Variants in PPP2R2B observed in about 807,000 individuals in gnomAD.
The protein encoded by PPP2R2B is serine/threonine-protein phosphatase 2A 55 kDa regulatory subunit B beta isoform.
Under a neutral mutation model 46.0 loss-of-function variants are expected in PPP2R2B, and 5 were observed. That is an observed-to-expected ratio of 0.11 (90% confidence interval 0.06 to 0.23). The LOEUF (loss-of-function observed/expected upper bound fraction) is 0.23. Among genes scored for constraint, PPP2R2B ranks in the 10% least tolerant of loss-of-function variants. PPP2R2B has a pLI of 1.00. For synonymous variants in PPP2R2B, 215 were observed against 206.7 expected, an observed-to-expected ratio of 1.04 and a Z score of -0.34; for missense variants, 367 against 575.0, an observed-to-expected ratio of 0.64 and a Z score of 3.70.
At chr5:147,041,257 G>T (rs999475561) in intron 1 of PPP2R2B, among the ~76,000 whole-genome samples, 3 of 152,162 alleles carry the variant, frequency 2.0e-5, no homozygotes, top group African/African-American at 7.2e-5. Context: ...ACTGCCAAGG[G>T]CCAGTGGGTG....
At chr5:146,708,465 G>A (rs1363477811) in intron 2 of PPP2R2B, among the ~76,000 whole-genome samples, 1 of 150,860 alleles carries the variant, frequency 6.6e-6, no homozygotes, top group Non-Finnish European at 1.5e-5. Context: ...GTGGCATCCA[G>A]TTCTAAAGGT....
chr5:146,717,459 C>T (rs964130370), intron 2 of PPP2R2B, among the ~76,000 whole-genome samples: 1 of 152,214 alleles, frequency 6.6e-6, no homozygotes, highest in Non-Finnish European at 1.5e-5. Flanking sequence ...CTAGCACTGA[C>T]TGTGATGCAT....
chr5:146,623,709 A>T (rs369161902), intron 7 of PPP2R2B, among the ~76,000 whole-genome samples: 1 of 152,242 alleles, frequency 6.6e-6, no homozygotes, highest in South Asian at 2.1e-4. Flanking sequence ...TAAAAAGAGA[A>T]GATAAAGGCA....
Position 147,055,754 on chromosome 5 carries a change from A to C in PPP2R2B, c.-11T>G, listed in dbSNP as rs745337257. ...AGAGAAGCATTTCATCTTCCAAATAAAAAATAAAAATCTAAATAAAAAAAC... is the reference window on the plus strand; with the variant it reads ...AGAGAAGCATTTCATCTTCCAAATACAAAATAAAAATCTAAATAAAAAAAC... On this transcript the variant is annotated 5_prime_UTR_variant, in exon 1 of 9. Transcript: ENST00000336640. 1.9e-6 allele frequency: 3 copies of C among 1,605,130 alleles called. 1 individual carries two copies. The South Asian group carries it at 3.4e-5, about 18-fold the overall frequency.
chr5:146,620,951 G>A (rs948932832), intron 7 of PPP2R2B, among the ~76,000 whole-genome samples: 6 of 152,222 alleles, frequency 3.9e-5, no homozygotes, highest in East Asian at 3.9e-4. Context: ...AAGCTGCCCC[G>A]TTTCCAAGGC....
intron 2 of PPP2R2B, among the ~76,000 whole-genome samples, chr5:146,864,921 C>T (rs1009742081): frequency 2.0e-5 from 3 of 152,116 alleles, no homozygotes; most frequent in African/African-American, 7.2e-5. Flanking sequence ...ACAGTAATTA[C>T]AAAGGTATTC....
At chr5:146,849,804 A>G (rs899798693) in intron 2 of PPP2R2B, among the ~76,000 whole-genome samples, 3 of 152,204 alleles carry the variant, frequency 2.0e-5, no homozygotes, top group African/African-American at 7.2e-5. Flanking sequence ...TAAAATAGAT[A>G]ATAGGCATAA....
chr5:146,949,228 G>C (rs1019492865), intron 1 of PPP2R2B, among the ~76,000 whole-genome samples: 1 of 151,860 alleles, frequency 6.6e-6, no homozygotes, highest in Non-Finnish European at 1.5e-5. Context: ...CATAATGGGA[G>C]AAAATATTTG....
At chr5:146,934,583 GAAAAAAAAAAAAAAAAAAA>G (rs3062352) in intron 1 of PPP2R2B, among the ~76,000 whole-genome samples, 1 of 31,490 alleles carries the variant, frequency 3.2e-5, no homozygotes. Context: ...TTTTTCATAA[GAAAAAAAAAAAAAAAAAAA>G]AAAAAAAAAA....
chr5:146,590,389 T>TTTTGTGTG (rs1488884125), intron 9 of PPP2R2B, among the ~76,000 whole-genome samples, 163 bp from the exon 10 acceptor site: 1 of 149,344 alleles, frequency 6.7e-6, no homozygotes, highest in African/African-American at 2.5e-5. Flanking sequence ...CTTTTTGTTT[T>TTTTGTGTG]TTTTTTGTGT....
intron 7 of PPP2R2B, among the ~76,000 whole-genome samples, chr5:146,626,845 G>C (rs1001126330): frequency 2.0e-5 from 3 of 152,156 alleles, no homozygotes; most frequent in African/African-American, 7.2e-5. Context: ...AACTACTAAT[G>C]AATAACACTC....
At position 146,687,686 on chromosome 5, in the gene PPP2R2B, A is replaced by G. The variant is rs111842833; in HGVS notation, c.447+3442T>C. On this transcript the variant is annotated intron_variant, in intron 5 of 9. Coordinates refer to ENST00000394411, the MANE Select transcript of PPP2R2B (RefSeq NM_181675.4). The stretch of plus-strand genomic sequence containing the variant: ...ATATTGAGCAGGGGATATAGTTTTC[A>G]TAGACATGCTTCTCATGGGCTCTTT... Among the ~76,000 whole-genome samples, 355 of 152,294 alleles carry G rather than the reference A, an allele frequency of 2.3e-3. 2 individuals carry two copies. Among genetic ancestry groups the G allele is most frequent in the South Asian group, 0.018 (88 of 4,828 alleles).
chr5:146,971,742 T>C (rs754131857), intron 1 of PPP2R2B, among the ~76,000 whole-genome samples: 11 of 152,242 alleles, frequency 7.2e-5, no homozygotes, highest in Admixed American at 2.0e-4. Flanking sequence ...ATTTCCAACA[T>C]ATTAGGTTAT....
chr5:147,078,316 G>T (rs989209122), intron 2 of PPP2R2B, among the ~76,000 whole-genome samples: 6 of 152,078 alleles, frequency 3.9e-5, no homozygotes, highest in Admixed American at 1.3e-4. Flanking sequence ...ACCTGCAACT[G>T]GTAAGACCTA....
chr5:146,878,522 G>T lies in PPP2R2B; in HGVS notation c.-125+69C>A. 7.8e-7 allele frequency: 1 copy of T among 1,280,148 alleles called. No homozygotes were observed. Among genetic ancestry groups the T allele is most frequent in the Non-Finnish European group, 1.0e-6 (1 of 999,300 alleles). The allele number at this position is 1,280,148 out of a possible 1,614,324, so 79.3% of individuals were successfully genotyped here. A position where few individuals can be genotyped will look rare whatever the true frequency, so the allele number is the denominator to read the frequency against. On this transcript the variant is annotated intron_variant, in intron 1 of 9. Transcript: ENST00000394411. This position sits in a 1 kb window ranked among gnomAD's most constrained non-coding sequence, Gnocchi z 4.5. ...CCTCCCCCTGGGAGAGCGGGCAGCC[G>T]CGACAAAATGGTGCCTTTCTGGACC...
chr5:146,792,487 C>T (rs988067174), intron 2 of PPP2R2B, among the ~76,000 whole-genome samples: 9 of 152,096 alleles, frequency 5.9e-5, no homozygotes, highest in Admixed American at 3.3e-4. Context: ...TTTTGGAACA[C>T]AGATTCTGGT....
chr5:147,041,879 C>A (rs1421884194), intron 1 of PPP2R2B, among the ~76,000 whole-genome samples: 1 of 152,118 alleles, frequency 6.6e-6, no homozygotes, highest in African/African-American at 2.4e-5. Context: ...CTCTCCCTTT[C>A]CTTTAATCAC....
At chr5:146,722,459 T>C (rs1780866583) in intron 2 of PPP2R2B, among the ~76,000 whole-genome samples, 1 of 152,160 alleles carries the variant, frequency 6.6e-6, no homozygotes, top group Non-Finnish European at 1.5e-5. Context: ...ACTCAATAGC[T>C]TTCTCAAAGC....
At chr5:146,737,065 G>A (rs1259270554) in intron 2 of PPP2R2B, among the ~76,000 whole-genome samples, 1 of 152,000 alleles carries the variant, frequency 6.6e-6, no homozygotes, top group Non-Finnish European at 1.5e-5. Flanking sequence ...TTATTTTACT[G>A]TCTTATTTTC....
Sources: gnomAD v4.1 joint callset for allele counts (sites outside exome capture counted in the v4.1 genomes callset) on GRCh38, gnomAD v4.1.1 for gene constraint, Gnocchi (gnomAD v3.1) non-coding constraint, MANE v1.5 for transcripts, NCBI Gene and HGNC (gene_info 2026-07-23, HGNC 2026-07-21) for gene names.